PREP: variants seen among roughly 807,000 people sequenced by gnomAD.
The protein encoded by PREP is dJ355L5.1 (prolyl endopeptidase).
A neutral mutation model predicts 87.6 loss-of-function variants in PREP; 29 were observed. The ratio of observed to expected loss-of-function variants is 0.33; its 90% CI spans 0.25 to 0.45. PREP has a LOEUF of 0.45. Ranked by LOEUF, PREP falls within the 20% of genes least tolerant of loss-of-function variation. PREP has a pLI of 1.00. For missense variants in PREP, 695 were observed against 886.5 expected (o/e 0.78, Z 2.74); for synonymous variants, 337 against 328.6 (o/e 1.03, Z -0.28).
chr6:105,378,601 G>A (rs1399512652), intron 2 of PREP, among the ~76,000 whole-genome samples: 1 of 152,212 alleles, frequency 6.6e-6, no homozygotes, highest in Non-Finnish European at 1.5e-5. Context: ...CAAAAGATGA[G>A]TTGTATCCAA....
rs550089246 is a variant in PREP, at chr6:105,392,043, C to A, written c.120+5810G>T. 2.2e-4 allele frequency among the ~76,000 whole-genome samples: 27 copies of A among 123,230 alleles called. No individual in the cohort carries two copies. The East Asian group carries it at 5.9e-3, about 27-fold the overall frequency. The allele number at this position is 123,230 out of a possible 152,430, so 80.8% of individuals were successfully genotyped here. ...GGACCTACTTATCTAGTCTTCAAAT[C>A]TTTTTTTTTTTTTTTTTTTGAGACG... On this transcript the variant is annotated intron_variant, in intron 2 of 14. Coordinates refer to ENST00000652536, the MANE Select transcript of PREP (RefSeq NM_002726.5).
Position 105,277,284 on chromosome 6 carries a change from ATC to A in PREP, c.*858_*859del, listed in dbSNP as rs1419963114. Among the ~76,000 whole-genome samples, 1 of 150,090 alleles carries A rather than the reference ATC, an allele frequency of 6.7e-6. No homozygotes were observed. The highest frequency in any genetic ancestry group is 1.5e-5 in the Non-Finnish European group (1 of 67,874). ...CTGTAAGAAATGCTTGGATATATGTATCTGTTTGTTTGGATAATTTACTCATG... is the reference window on the plus strand; with the variant it reads ...CTGTAAGAAATGCTTGGATATATGTATGTTTGTTTGGATAATTTACTCATG... On this transcript the variant is annotated 3_prime_UTR_variant, in exon 15 of 15. Coordinates refer to ENST00000652536, the MANE Select transcript of PREP (RefSeq NM_002726.5).
Position 105,403,013 on chromosome 6 carries a change from G to T in PREP, c.-122C>A. 2.7e-6 allele frequency: 1 copy of T among 369,398 alleles called. No individual in the cohort carries two copies. Among genetic ancestry groups the T allele is most frequent in the Non-Finnish European group, 4.5e-6 (1 of 221,424 alleles). The allele number at this position is 369,398 out of a possible 1,614,324, so 22.9% of individuals were successfully genotyped here. ...CAGCTGCGGGGCGGCCGGCGGCAGCGGGCGGCCGGCTCACGGCCAGAGCTA... is the reference window on the plus strand; with the variant it reads ...CAGCTGCGGGGCGGCCGGCGGCAGCTGGCGGCCGGCTCACGGCCAGAGCTA... On this transcript the variant is annotated 5_prime_UTR_variant, in exon 1 of 15. Transcript: ENST00000652536.
intron 11 of PREP, 89 bp from the exon 12 acceptor site, chr6:105,285,669 A>G (rs1380098929): frequency 1.0e-6 from 1 of 1,001,890 alleles, no homozygotes; most frequent in African/African-American, 1.6e-5. Flanking sequence ...TGTATGCCCA[A>G]CAACACTCTG....
chr6:105,383,739 A>G (rs1472883845), intron 2 of PREP, among the ~76,000 whole-genome samples: 3 of 152,146 alleles, frequency 2.0e-5, no homozygotes, highest in African/African-American at 7.2e-5. Flanking sequence ...GGGAGGAAGC[A>G]GAAACCGTCA....
chr6:105,282,751 T>C (rs7746099), intron 12 of PREP, among the ~76,000 whole-genome samples, 169 bp from the exon 13 acceptor site: 2,744 of 152,358 alleles, frequency 0.018, 51 homozygotes, highest in African/African-American at 0.047. Flanking sequence ...TTATGCACTG[T>C]GGAAATATAT....
chr6:105,354,815 T>C (rs1261617216), intron 6 of PREP, among the ~76,000 whole-genome samples: 2 of 152,196 alleles, frequency 1.3e-5, no homozygotes, highest in Non-Finnish European at 2.9e-5. Context: ...TATACATACA[T>C]ACACACATCC....
chr6:105,360,167 C>T (rs1772209856), intron 6 of PREP, among the ~76,000 whole-genome samples: 5 of 152,096 alleles, frequency 3.3e-5, no homozygotes, highest in Admixed American at 1.3e-4. Flanking sequence ...GATGGAGAAC[C>T]GAGATCTCAA....
rs558130815 is a variant in PREP, at chr6:105,400,752, A to T, written c.45+2095T>A. Reference sequence around the variant, plus strand: ...GTCATGGCTTCCAAATTTCTGCCCAAAAAGGCAGAACTCCACCAAAATGGT... The same window carrying T: ...GTCATGGCTTCCAAATTTCTGCCCATAAAGGCAGAACTCCACCAAAATGGT... On this transcript the variant is annotated intron_variant, in intron 1 of 14. Transcript: ENST00000652536. 2.0e-5 allele frequency among the ~76,000 whole-genome samples: 3 copies of T among 152,306 alleles called. No individual in the cohort carries two copies. In the South Asian group the frequency reaches 6.2e-4, roughly 32 times the overall value.
chr6:105,390,026 A>T (rs1773099644), intron 2 of PREP, among the ~76,000 whole-genome samples: 1 of 152,184 alleles, frequency 6.6e-6, no homozygotes, highest in African/African-American at 2.4e-5. Flanking sequence ...CCTACATAGA[A>T]ATCCTAGGAT....
At chr6:105,401,344 T>C (rs1166117430) in intron 1 of PREP, among the ~76,000 whole-genome samples, 1 of 152,252 alleles carries the variant, frequency 6.6e-6, no homozygotes, top group Non-Finnish European at 1.5e-5. Context: ...GAGAGTCACC[T>C]GGCTTCCCAT....
At chr6:105,305,865 G>C (rs185520441) in intron 10 of PREP, among the ~76,000 whole-genome samples, 1 of 150,082 alleles carries the variant, frequency 6.7e-6, no homozygotes, top group Non-Finnish European at 1.5e-5. Flanking sequence ...GGGGGGGACA[G>C]GTTCTGACTC....
chr6:105,344,794 G>A (rs578064081), intron 7 of PREP, among the ~76,000 whole-genome samples: 5 of 152,224 alleles, frequency 3.3e-5, no homozygotes, highest in East Asian at 1.9e-4. Context: ...AAACCTGCAC[G>A]TTGTGCACAT....
At chr6:105,400,292 G>C (rs1253890915) in intron 1 of PREP, among the ~76,000 whole-genome samples, 1 of 152,112 alleles carries the variant, frequency 6.6e-6, no homozygotes, top group African/African-American at 2.4e-5. Context: ...TATTTTACTT[G>C]TACTGTTCAA....
intron 2 of PREP, among the ~76,000 whole-genome samples, chr6:105,393,502 T>C (rs1773212432): frequency 6.6e-6 from 1 of 152,144 alleles, no homozygotes; most frequent in Non-Finnish European, 1.5e-5. Flanking sequence ...CAACACACAA[T>C]TCAGTTGATT....
intron 7 of PREP, among the ~76,000 whole-genome samples, chr6:105,336,428 A>G (rs971877731): frequency 1.3e-5 from 2 of 152,198 alleles, no homozygotes; most frequent in East Asian, 3.9e-4. Flanking sequence ...AGTCACATAA[A>G]AGGTCTATTA....
chr6:105,340,205 T>C (rs1771603082), intron 7 of PREP, among the ~76,000 whole-genome samples: 1 of 152,096 alleles, frequency 6.6e-6, no homozygotes, highest in Non-Finnish European at 1.5e-5. Context: ...CGGCAGAAAC[T>C]CTACAAGCCA....
chr6:105,388,968 C>A (rs977014688), intron 2 of PREP, among the ~76,000 whole-genome samples: 1 of 152,218 alleles, frequency 6.6e-6, no homozygotes, highest in African/African-American at 2.4e-5. Flanking sequence ...ACCACACTTA[C>A]AAGTCACAGT....
rs568172429 is a variant in PREP at position 105,278,159 on chromosome 6, G to A, written c.2118C>T (p.Val706=). ...MFAFIARCLN[V]DWIP is the part of the protein sequence containing the mutation. ...CGAAAACTGTTTATGGAATCCAGTC[G>A]ACGTTCAGGCACCGCGCGATGAACG... The change falls in exon 15 of 15, where the codon GTC becomes GTT. Residue 706 remains valine (V), a synonymous_variant. Coordinates refer to ENST00000652536, the MANE Select transcript of PREP (RefSeq NM_002726.5). The surrounding 1 kb of genome is among the most constrained non-coding windows in gnomAD (Gnocchi z 4.2). 3.1e-6 allele frequency: 5 copies of A among 1,609,694 alleles called. 1 individual carries two copies. The highest frequency in any genetic ancestry group is 2.2e-5 in the East Asian group (1 of 44,752).
Sources: allele counts gnomAD v4.1 joint callset (sites outside exome capture counted in the v4.1 genomes callset), GRCh38; gene constraint gnomAD v4.1.1; non-coding constraint Gnocchi (gnomAD v3.1); transcripts MANE v1.5; gene names NCBI Gene and HGNC (gene_info 2026-07-23, HGNC 2026-07-21).